ZNF385D: variants seen among roughly 807,000 people sequenced by gnomAD.
ZNF385D encodes the protein zinc finger protein 659.
Under a neutral mutation model 35.8 loss-of-function variants are expected in ZNF385D, and 15 were observed. The observed-to-expected ratio is 0.42, with a 90% CI of 0.28 to 0.64. The LOEUF is 0.64. ZNF385D is among the 30% of genes least tolerant of loss of function. ZNF385D has a pLI of 0.23. For synonymous variants in ZNF385D, 212 were observed against 186.8 expected, an observed-to-expected ratio of 1.13 and a Z score of -1.10; for missense variants, 474 against 494.6, an observed-to-expected ratio of 0.96 and a Z score of 0.39.
chr3:21,817,757 G>A (rs2073216616), intron 3 of ZNF385D, among the ~76,000 whole-genome samples: 1 of 152,184 alleles, frequency 6.6e-6, no homozygotes, highest in African/African-American at 2.4e-5. Context: ...CATGTGGAAG[G>A]CAGTGTGGTG....
At chr3:21,611,504 T>C (rs1445748056) in intron 2 of ZNF385D, among the ~76,000 whole-genome samples, 2 of 152,340 alleles carry the variant, frequency 1.3e-5, no homozygotes, top group Non-Finnish European at 2.9e-5. Flanking sequence ...AGTCTTAATC[T>C]TGGCTGATCT....
In ZNF385D at chr3:21,873,886, A is replaced by G. The variant is rs181751860; in HGVS notation, c.326-208858T>C. On this transcript the variant is annotated intron_variant, in intron 3 of 5. Transcript: ENST00000494108. ...ATTTTCTTTAACTATTTTTCTCTCC[A>G]TGAATGTTTAGGTTGTTTGCACTTC... Among the ~76,000 whole-genome samples, 55 of 152,100 alleles carry G rather than the reference A, an allele frequency of 3.6e-4. 1 individual carries two copies. The East Asian group carries it at 8.7e-3, about 24-fold the overall frequency.
intron 3 of ZNF385D, among the ~76,000 whole-genome samples, chr3:22,071,819 A>C (rs1640740129): frequency 6.6e-6 from 1 of 152,080 alleles, no homozygotes; most frequent in Non-Finnish European, 1.5e-5. Flanking sequence ...TAAGTGCCTA[A>C]GACAAGCAAT....
chr3:21,930,194 A>G (rs147672572), intron 3 of ZNF385D, among the ~76,000 whole-genome samples: 1 of 152,186 alleles, frequency 6.6e-6, no homozygotes, highest in Admixed American at 6.5e-5. Context: ...AAGGGGTGAA[A>G]GAACAGTCTT....
chr3:21,826,749 G>GAAAGCT (rs992244186), intron 3 of ZNF385D, among the ~76,000 whole-genome samples: 5 of 151,422 alleles, frequency 3.3e-5, no homozygotes, highest in Admixed American at 3.3e-4. Flanking sequence ...ACAGCAGAAG[G>GAAAGCT]AAAGCTAGAG....
intron 2 of ZNF385D, among the ~76,000 whole-genome samples, chr3:22,221,195 A>C (rs1478468943): frequency 6.6e-6 from 1 of 152,160 alleles, no homozygotes; most frequent in Admixed American, 6.6e-5. Context: ...ACCTACACAC[A>C]GATACATGTA....
chr3:21,873,765 A>G (rs1391924693), intron 3 of ZNF385D, among the ~76,000 whole-genome samples: 1 of 152,132 alleles, frequency 6.6e-6, no homozygotes, highest in Non-Finnish European at 1.5e-5. Flanking sequence ...TATTTCACTT[A>G]GCATAACGTT....
intron 2 of ZNF385D, among the ~76,000 whole-genome samples, chr3:21,624,543 T>C (rs1000186178): frequency 3.3e-5 from 5 of 152,060 alleles, no homozygotes; most frequent in African/African-American, 1.2e-4. Flanking sequence ...TCTGAGACTT[T>C]ATAATGACTG....
intron 3 of ZNF385D, among the ~76,000 whole-genome samples, chr3:21,797,080 C>T (rs2125675705): frequency 6.6e-6 from 1 of 152,222 alleles, no homozygotes; most frequent in South Asian, 2.1e-4. Context: ...GACGTATTTG[C>T]AAAACACATA....
chr3:21,638,188 A>T (rs145089063), intron 2 of ZNF385D, among the ~76,000 whole-genome samples: 1 of 152,196 alleles, frequency 6.6e-6, no homozygotes, highest in Admixed American at 6.5e-5. Flanking sequence ...AACTCACAAA[A>T]ATTAGTATGC....
chr3:21,895,368 C>A (rs1438614163), intron 3 of ZNF385D, among the ~76,000 whole-genome samples: 1 of 132,716 alleles, frequency 7.5e-6, no homozygotes, highest in Non-Finnish European at 1.6e-5. Flanking sequence ...CACTCTGTCA[C>A]CCTGACTGCA....
intron 3 of ZNF385D, among the ~76,000 whole-genome samples, chr3:21,991,980 A>G (rs1008427767): frequency 6.6e-6 from 1 of 152,126 alleles, no homozygotes; most frequent in African/African-American, 2.4e-5. Flanking sequence ...CTTATCTACT[A>G]TCTGTGTGAA....
At chr3:21,505,865 T>G (rs114320176) in intron 4 of ZNF385D, among the ~76,000 whole-genome samples, 2,003 of 152,216 alleles carry the variant, frequency 0.013, 45 homozygotes, top group African/African-American at 0.046. Flanking sequence ...CCCCCCTTTG[T>G]CAATATTCAT....
chr3:21,922,652 G>T (rs1422919460), intron 3 of ZNF385D, among the ~76,000 whole-genome samples: 1 of 152,126 alleles, frequency 6.6e-6, no homozygotes, highest in African/African-American at 2.4e-5. Flanking sequence ...AAGAACTAAA[G>T]ATTTAAATGT....
At chr3:21,446,486 A>ATTTTT (rs1559454751) in intron 4 of ZNF385D, among the ~76,000 whole-genome samples, 2 of 78,628 alleles carry the variant, frequency 2.5e-5, no homozygotes, top group African/African-American at 1.1e-4. Context: ...TAATCAATGA[A>ATTTTT]CTTTTTTTTT....
intron 3 of ZNF385D, among the ~76,000 whole-genome samples, chr3:22,023,890 G>C (rs1403836490): frequency 6.6e-6 from 1 of 152,056 alleles, no homozygotes; most frequent in African/African-American, 2.4e-5. Context: ...CCCTGTATTA[G>C]TTCGTTTTCA....
chr3:22,157,361 C>A (rs1705656106), intron 3 of ZNF385D, among the ~76,000 whole-genome samples: 1 of 151,940 alleles, frequency 6.6e-6, no homozygotes, highest in African/African-American at 2.4e-5. Context: ...ATTTTTGATA[C>A]CTTTATTATC....
chr3:22,321,752 T>C (rs1190368484), intron 2 of ZNF385D, among the ~76,000 whole-genome samples: 1 of 152,116 alleles, frequency 6.6e-6, no homozygotes, highest in Non-Finnish European at 1.5e-5. Flanking sequence ...TTTCCTACTT[T>C]TTTCCTTTTT....
intron 3 of ZNF385D, among the ~76,000 whole-genome samples, chr3:21,950,578 T>C (rs1702017259): frequency 6.6e-6 from 1 of 151,800 alleles, no homozygotes; most frequent in Admixed American, 6.5e-5. Flanking sequence ...ATTTTGGCTT[T>C]TGTTGCCATT....
Sources: allele counts gnomAD v4.1 joint callset (sites outside exome capture counted in the v4.1 genomes callset), GRCh38; gene constraint gnomAD v4.1.1; transcripts MANE v1.5; gene names NCBI Gene and HGNC (gene_info 2026-07-23, HGNC 2026-07-21).